The following KCND2 variants were observed in gnomAD, a reference collection of about 807,000 sequenced individuals.
KCND2 encodes A-type voltage-gated potassium channel KCND2.
KCND2 carries 16 observed loss-of-function variants against 54.4 expected under a neutral mutation model. The ratio of observed to expected loss-of-function variants is 0.29; its 90% CI spans 0.20 to 0.45. The LOEUF is 0.45. KCND2 is among the 20% of genes least tolerant of loss of function. The pLI, the probability that KCND2 is intolerant of heterozygous loss-of-function variation, is 1.00. For synonymous variants in KCND2, 317 were observed against 310.7 expected (o/e 1.02, Z -0.21); for missense variants, 486 against 824.2 (o/e 0.59, Z 5.02).
chr7:120,518,799 T>A (rs1803236962), intron 1 of KCND2, among the ~76,000 whole-genome samples: 1 of 152,188 alleles, frequency 6.6e-6, no homozygotes, highest in South Asian at 2.1e-4. Context: ...ATATTGGATA[T>A]GTCCTTTACA....
At chr7:120,533,215 C>A (rs1220688016) in intron 1 of KCND2, among the ~76,000 whole-genome samples, 7 of 152,040 alleles carry the variant, frequency 4.6e-5, no homozygotes, top group Non-Finnish European at 4.4e-5. Flanking sequence ...TTTTTTTGAC[C>A]TCTCTGTTAT....
intron 1 of KCND2, among the ~76,000 whole-genome samples, chr7:120,657,084 G>C (rs550041790): frequency 2.0e-4 from 31 of 152,164 alleles, no homozygotes; most frequent in African/African-American, 7.2e-4. Context: ...AAACAATTCT[G>C]TTTTGGGGGA....
At chr7:120,658,162 A>G (rs1791825367) in intron 1 of KCND2, among the ~76,000 whole-genome samples, 1 of 152,150 alleles carries the variant, frequency 6.6e-6, no homozygotes, top group South Asian at 2.1e-4. Flanking sequence ...CTGATATTTC[A>G]CACAAGAGGT....
chr7:120,408,492 A>G (rs1046694207), intron 1 of KCND2, among the ~76,000 whole-genome samples: 9 of 151,952 alleles, frequency 5.9e-5, no homozygotes, highest in Non-Finnish European at 7.4e-5. Flanking sequence ...TACACAGACC[A>G]TATACTCAAG....
rs575065565 is a variant in KCND2 at position 120,355,463 on chromosome 7, C to T, written c.1115+79716C>T. On this transcript the variant is annotated intron_variant, in intron 1 of 5. Coordinates refer to ENST00000331113, the MANE Select transcript of KCND2 (RefSeq NM_012281.3). Reference sequence around the variant, plus strand: ...TCTGGAGACTGAGGCAGGAGAATCACTTGAACCTGGGAGGTGGGGGGGTGC... The same window carrying T: ...TCTGGAGACTGAGGCAGGAGAATCATTTGAACCTGGGAGGTGGGGGGGTGC... 4.6e-5 allele frequency among the ~76,000 whole-genome samples: 7 copies of T among 152,156 alleles called. No homozygotes were observed. The East Asian group carries it at 1.4e-3, about 29-fold the overall frequency.
chr7:120,431,935 A>T (rs1235294053), intron 1 of KCND2, among the ~76,000 whole-genome samples: 1 of 152,100 alleles, frequency 6.6e-6, no homozygotes, highest in Non-Finnish European at 1.5e-5. Flanking sequence ...TAGTAGTAGG[A>T]TTATCGCTTC....
At chr7:120,601,334 G>T (rs1373115293) in intron 1 of KCND2, among the ~76,000 whole-genome samples, 2 of 152,062 alleles carry the variant, frequency 1.3e-5, no homozygotes, top group East Asian at 1.9e-4. Context: ...AAACTGGGAA[G>T]GGAACACAAG....
chr7:120,357,366 T>G (rs1800521576), intron 1 of KCND2, among the ~76,000 whole-genome samples: 1 of 152,180 alleles, frequency 6.6e-6, no homozygotes, highest in African/African-American at 2.4e-5. Flanking sequence ...TACAATGTGC[T>G]TTTCCTGTTT....
At chr7:120,370,452 G>T (rs1800749529) in intron 1 of KCND2, among the ~76,000 whole-genome samples, 1 of 151,958 alleles carries the variant, frequency 6.6e-6, no homozygotes, top group Admixed American at 6.6e-5. Flanking sequence ...TTTTCTAATG[G>T]ATTAGTATTG....
intron 1 of KCND2, among the ~76,000 whole-genome samples, chr7:120,493,862 G>A (rs1041453548): frequency 6.6e-6 from 1 of 152,078 alleles, no homozygotes; most frequent in East Asian, 1.9e-4. Context: ...CCACAGTAGT[G>A]TTAAACTGCA....
chr7:120,618,200 G>A (rs775709316), intron 1 of KCND2, among the ~76,000 whole-genome samples: 74 of 152,232 alleles, frequency 4.9e-4, no homozygotes, highest in Non-Finnish European at 9.4e-4. Flanking sequence ...ATAAGCCAAT[G>A]TACTTTCTTA....
At chr7:120,521,725 C>T (rs991858825) in intron 1 of KCND2, among the ~76,000 whole-genome samples, 1 of 151,324 alleles carries the variant, frequency 6.6e-6, no homozygotes, top group African/African-American at 2.5e-5. Context: ...CTATTTTTCT[C>T]TTTCAATATG....
intron 1 of KCND2, among the ~76,000 whole-genome samples, chr7:120,336,106 TA>T (rs1390826574): frequency 2.0e-5 from 3 of 152,292 alleles, no homozygotes; most frequent in East Asian, 1.9e-4. Flanking sequence ...TTTTTTCTTT[TA>T]AAAAAATTTT....
At chr7:120,389,311 A>C (rs768804129) in intron 1 of KCND2, among the ~76,000 whole-genome samples, 2 of 151,856 alleles carry the variant, frequency 1.3e-5, no homozygotes, top group Admixed American at 1.3e-4. Flanking sequence ...TGATTATTAC[A>C]CTCAAGCAAG....
chr7:120,630,279 C>T (rs772377101), intron 1 of KCND2, among the ~76,000 whole-genome samples: 4 of 152,036 alleles, frequency 2.6e-5, no homozygotes, highest in Non-Finnish European at 5.9e-5. Context: ...TGGAATTGAC[C>T]GAGGCACTAT....
chr7:120,644,154 T>A (rs911997463), intron 1 of KCND2, among the ~76,000 whole-genome samples: 5 of 152,094 alleles, frequency 3.3e-5, no homozygotes, highest in East Asian at 3.8e-4. Context: ...TCAGATAATA[T>A]TTAAAGTCTA....
intron 1 of KCND2, among the ~76,000 whole-genome samples, chr7:120,480,667 C>A (rs186061646): frequency 6.6e-6 from 1 of 152,184 alleles, no homozygotes; most frequent in Non-Finnish European, 1.5e-5. Flanking sequence ...CATGCATGCA[C>A]TTCCACTTCC....
At chr7:120,510,102 G>A (rs10260490) in intron 1 of KCND2, among the ~76,000 whole-genome samples, 9,382 of 152,058 alleles carry the variant, frequency 0.062, 594 homozygotes, top group African/African-American at 0.17. Context: ...CTTCGCTAGC[G>A]CTAATATTCT....
intron 1 of KCND2, among the ~76,000 whole-genome samples, chr7:120,483,027 A>G (rs1004999518): frequency 6.6e-6 from 1 of 152,134 alleles, no homozygotes; most frequent in Non-Finnish European, 1.5e-5. Context: ...GAGAAACTTC[A>G]CAAAATTTCT....
Sources: allele counts gnomAD v4.1 joint callset (sites outside exome capture counted in the v4.1 genomes callset), GRCh38; gene constraint gnomAD v4.1.1; transcripts MANE v1.5; gene names NCBI Gene and HGNC (gene_info 2026-07-23, HGNC 2026-07-21).